The following TAF4 variants were observed in gnomAD, a reference collection of about 807,000 sequenced individuals.
TAF4 encodes the protein TATA-box binding protein associated factor 4.
A neutral mutation model predicts 90.3 loss-of-function variants in TAF4; 9 were observed. That is an observed-to-expected ratio of 0.10 (90% CI 0.06 to 0.17). The LOEUF (loss-of-function observed/expected upper bound fraction) is 0.17, where lower values mean the gene tolerates loss of function less well. Ranked by LOEUF, TAF4 falls within the 10% of genes least tolerant of loss-of-function variation. TAF4 has a pLI of 1.00. For missense variants in TAF4, 1,351 were observed against 1,370.7 expected (o/e 0.99, Z 0.23); for synonymous variants, 818 against 638.9 (o/e 1.28, Z -4.23).
intron 9 of TAF4, 100 bp from the exon 10 acceptor site, chr20:62,000,821 C>G: frequency 7.5e-7 from 1 of 1,330,272 alleles, no homozygotes; most frequent in Non-Finnish European, 1.1e-6. Context: ...AAGGCAGGGC[C>G]GTGAGGAGGC....
chr20:62,042,423 G>T (rs1052309188), intron 1 of TAF4, among the ~76,000 whole-genome samples: 5 of 152,236 alleles, frequency 3.3e-5, no homozygotes, highest in African/African-American at 9.6e-5. Flanking sequence ...ACCGCACAAG[G>T]ACTCGGGTAC....
At chr20:62,039,967 A>C (rs1261200989) in intron 1 of TAF4, among the ~76,000 whole-genome samples, 1 of 152,186 alleles carries the variant, frequency 6.6e-6, no homozygotes, top group African/African-American at 2.4e-5. Flanking sequence ...ACCCATCGAA[A>C]AGGCTAAAAT....
At chr20:62,034,026 A>G (rs1296085998) in intron 1 of TAF4, among the ~76,000 whole-genome samples, 1 of 151,324 alleles carries the variant, frequency 6.6e-6, no homozygotes, top group Non-Finnish European at 1.5e-5. Flanking sequence ...TGGGCGACAG[A>G]GCAAGACTCT....
At chr20:62,044,299 A>T (rs1051130207) in intron 1 of TAF4, among the ~76,000 whole-genome samples, 1 of 152,258 alleles carries the variant, frequency 6.6e-6, no homozygotes, top group Admixed American at 6.5e-5. Context: ...AAAAATGTCA[A>T]GGTAAAAATT....
At chr20:62,019,131 T>C (rs2055828587) in intron 1 of TAF4, among the ~76,000 whole-genome samples, 1 of 152,224 alleles carries the variant, frequency 6.6e-6, no homozygotes, top group African/African-American at 2.4e-5. Flanking sequence ...ATTGTCCTAA[T>C]ATCTTCCTTA....
rs191730507 is a variant in TAF4, at chr20:62,009,901, C to T, written c.1761+145G>A. On this transcript the variant is annotated intron_variant, in intron 4 of 14. Transcript: ENST00000252996. ...ACAGCAGCAGAGCCCCACGTGCTCA[C>T]GTGGGCCCCAGACTGTTCACTGCTT... 3.8e-6 allele frequency: 5 copies of T among 1,332,902 alleles called. No individual in the cohort carries two copies. The Admixed American group carries it at 7.0e-5, about 19-fold the overall frequency. 82.6% of individuals were successfully genotyped at this position (1,332,902 alleles called of 1,614,324 possible). A position where few individuals can be genotyped will look rare whatever the true frequency, so the allele number is the denominator to read the frequency against.
At chr20:62,030,564 C>G (rs975211610) in intron 1 of TAF4, among the ~76,000 whole-genome samples, 1 of 152,198 alleles carries the variant, frequency 6.6e-6, no homozygotes, top group Non-Finnish European at 1.5e-5. Flanking sequence ...TTCAATTAGC[C>G]CTGAAGCCAG....
chr20:62,039,519 TAAG>T (rs2055952170), intron 1 of TAF4, among the ~76,000 whole-genome samples: 1 of 152,206 alleles, frequency 6.6e-6, no homozygotes, highest in Non-Finnish European at 1.5e-5. Context: ...AAAATTTATT[TAAG>T]AAGGCACAAG....
intron 2 of TAF4, among the ~76,000 whole-genome samples, chr20:62,013,171 C>A (rs2055789453): frequency 1.3e-5 from 2 of 152,222 alleles, no homozygotes; most frequent in African/African-American, 4.8e-5. Context: ...ACAGAGTCTA[C>A]AAAAGGTCAT....
chr20:62,048,680 C>T (rs896567369), intron 1 of TAF4, among the ~76,000 whole-genome samples: 2 of 151,520 alleles, frequency 1.3e-5, no homozygotes, highest in Admixed American at 1.3e-4. Context: ...CCCCAGGGCC[C>T]TCTCCTGGCG....
In TAF4 at chr20:62,003,889, G is replaced by T; in HGVS notation, c.2224-11C>A. 1 of 1,544,368 alleles carries T rather than the reference G, an allele frequency of 6.5e-7. No homozygotes were observed. ...AGGCTGCTGGATGACCTGAGGCAGAGCCAGCAGAGAATGGTGAGCATGCTC... is the reference window on the plus strand; with the variant it reads ...AGGCTGCTGGATGACCTGAGGCAGATCCAGCAGAGAATGGTGAGCATGCTC... On this transcript the variant is annotated splice_polypyrimidine_tract_variant and intron_variant, in intron 7 of 14. Transcript: ENST00000252996.
chr20:62,012,775 G>A (rs766526381), intron 3 of TAF4, 40 bp downstream of exon 3: 6 of 1,570,152 alleles, frequency 3.8e-6, no homozygotes, highest in Non-Finnish European at 3.4e-6. Flanking sequence ...ACACTTCGTG[G>A]CCCCTGCAGC....
chr20:61,976,473 C>G (rs1240667034), intron 14 of TAF4, 138 bp from the exon 15 acceptor site: 1 of 1,012,336 alleles, frequency 9.9e-7, no homozygotes, highest in East Asian at 2.5e-5. Flanking sequence ...AGGCCCACAG[C>G]TGGAGCTGGG....
At chr20:62,062,365 G>A (rs2056094011) in intron 1 of TAF4, among the ~76,000 whole-genome samples, 2 of 151,734 alleles carry the variant, frequency 1.3e-5, no homozygotes, top group African/African-American at 4.8e-5. Flanking sequence ...TCAAAAGAAG[G>A]TACTCTGGTT....
At chr20:61,998,868 A>C in intron 12 of TAF4, 115 bp downstream of exon 12, 1 of 1,416,250 alleles carries the variant, frequency 7.1e-7, no homozygotes, top group Non-Finnish European at 9.6e-7. Flanking sequence ...CCTTTGCTTC[A>C]AGGCCAGCCC....
At chr20:62,045,872 A>G (rs563137978) in intron 1 of TAF4, among the ~76,000 whole-genome samples, 147 of 152,322 alleles carry the variant, frequency 9.7e-4, no homozygotes, top group Non-Finnish European at 1.8e-3. Flanking sequence ...ACAGCTCCTC[A>G]TTTGTGTCCT....
At chr20:62,012,486 G>C (rs533454371) in intron 3 of TAF4, 2 of 197,244 alleles carry the variant, frequency 1.0e-5, no homozygotes, top group South Asian at 1.5e-4. Flanking sequence ...CCTCACCGCA[G>C]GCTGCTTCTG....
At chr20:62,056,352 AC>A (rs2056063954) in intron 1 of TAF4, among the ~76,000 whole-genome samples, 2 of 152,216 alleles carry the variant, frequency 1.3e-5, no homozygotes, top group African/African-American at 4.8e-5. Context: ...GCAACTTAAA[AC>A]TAGACACGAT....
chr20:62,036,037 A>T (rs534354982), intron 1 of TAF4, among the ~76,000 whole-genome samples: 7,093 of 131,890 alleles, frequency 0.054, 319 homozygotes, highest in African/African-American at 0.14. Flanking sequence ...TTTTTTTTAA[A>T]AAAAAAAAAG....
Sources: gnomAD v4.1 joint callset for allele counts (sites outside exome capture counted in the v4.1 genomes callset) on GRCh38, gnomAD v4.1.1 for gene constraint, MANE v1.5 for transcripts, NCBI Gene and HGNC (gene_info 2026-07-23, HGNC 2026-07-21) for gene names.